Variants in NR6A1 observed in about 807,000 individuals in gnomAD.
NR6A1 encodes the protein retinoic acid receptor-related testis-associated receptor.
A neutral mutation model predicts 59.1 loss-of-function variants in NR6A1; 7 were observed. That is an observed-to-expected ratio of 0.12 (90% CI 0.07 to 0.22). The LOEUF (loss-of-function observed/expected upper bound fraction) is 0.22. NR6A1 is among the 10% of genes least tolerant of loss of function. NR6A1 has a pLI of 1.00. For missense variants in NR6A1, 468 were observed against 611.6 expected, an observed-to-expected ratio of 0.77 and a Z score of 2.48; for synonymous variants, 243 against 236.1, an observed-to-expected ratio of 1.03 and a Z score of -0.27.
intron 2 of NR6A1, among the ~76,000 whole-genome samples, chr9:124,655,887 T>G (rs1267627568): frequency 6.6e-6 from 1 of 152,214 alleles, no homozygotes; most frequent in African/African-American, 2.4e-5. Flanking sequence ...GGAAGCTACT[T>G]AAGTGTCCAT....
chr9:124,754,438 C>T (rs1840585212), intron 1 of NR6A1, among the ~76,000 whole-genome samples: 1 of 152,082 alleles, frequency 6.6e-6, no homozygotes, highest in Non-Finnish European at 1.5e-5. Flanking sequence ...CAGAACTGAC[C>T]GTTGGAATAC....
chr9:124,741,606 G>T (rs543793670), intron 1 of NR6A1, among the ~76,000 whole-genome samples: 1 of 152,132 alleles, frequency 6.6e-6, no homozygotes, highest in Non-Finnish European at 1.5e-5. Flanking sequence ...TTTATGCTAC[G>T]TATATTTTAC....
chr9:124,609,458 A>G (rs1467084890), intron 2 of NR6A1, among the ~76,000 whole-genome samples: 2 of 151,934 alleles, frequency 1.3e-5, no homozygotes, highest in Non-Finnish European at 2.9e-5. Context: ...ATCCTGTTCC[A>G]TTGGTCTATG....
chr9:124,598,742 CT>C, intron 2 of NR6A1: 1 of 926,806 alleles, frequency 1.1e-6, no homozygotes. Context: ...GGTCTTCTCC[CT>C]TCTCCTTCAC....
intron 2 of NR6A1, among the ~76,000 whole-genome samples, chr9:124,712,027 C>T (rs964842729): frequency 4.6e-5 from 7 of 152,176 alleles, no homozygotes; most frequent in Non-Finnish European, 1.0e-4. Flanking sequence ...TTTGCAAGCA[C>T]AGGTTTTCTA....
At chr9:124,585,415 G>A (rs1206105894) in intron 2 of NR6A1, among the ~76,000 whole-genome samples, 1 of 151,916 alleles carries the variant, frequency 6.6e-6, no homozygotes, top group East Asian at 1.9e-4. Flanking sequence ...ATGGTGGCAG[G>A]CACCTGTAGT....
chr9:124,745,751 C>T (rs900159474), intron 1 of NR6A1, among the ~76,000 whole-genome samples: 3 of 150,428 alleles, frequency 2.0e-5, no homozygotes, highest in African/African-American at 7.3e-5. Context: ...GAGGCTAAGG[C>T]GGGCAGATCA....
intron 2 of NR6A1, among the ~76,000 whole-genome samples, chr9:124,568,502 A>G (rs999198924): frequency 1.3e-5 from 2 of 149,256 alleles, no homozygotes; most frequent in Non-Finnish European, 2.9e-5. Context: ...AAACAAAAGA[A>G]ACATAGAAAC....
Position 124,660,498 on chromosome 9 carries a change from T to C in NR6A1, c.142+72810A>G, listed in dbSNP as rs139845225. 2.0e-4 allele frequency among the ~76,000 whole-genome samples: 30 copies of C among 152,236 alleles called. 2 individuals carry two copies. The highest frequency in any genetic ancestry group is 1.4e-3 in the Admixed American group (21 of 15,296). On this transcript the variant is annotated intron_variant, in intron 2 of 9. Transcript: ENST00000487099. ...TAGAAACCAGACAGCAATTCTTTAG[T>C]TCCAGCCACCATTCGCCCCACTGGA...
chr9:124,740,087 C>G (rs1010295172), intron 1 of NR6A1, among the ~76,000 whole-genome samples: 2 of 152,170 alleles, frequency 1.3e-5, no homozygotes, highest in African/African-American at 4.8e-5. Flanking sequence ...AGCATCCTAC[C>G]CAACAGTGTA....
intron 2 of NR6A1, among the ~76,000 whole-genome samples, chr9:124,681,868 T>TA (rs1407015555): frequency 6.6e-6 from 1 of 152,214 alleles, no homozygotes; most frequent in Non-Finnish European, 1.5e-5. Flanking sequence ...CATGCTTGGG[T>TA]AAAAGATCCA....
At chr9:124,568,380 G>A (rs755494683) in intron 2 of NR6A1, among the ~76,000 whole-genome samples, 27 of 151,602 alleles carry the variant, frequency 1.8e-4, no homozygotes, top group Non-Finnish European at 3.2e-4. Context: ...CAGGTAGTTG[G>A]GAGGCTGAGG....
chr9:124,715,816 G>A (rs1274576668), intron 2 of NR6A1, among the ~76,000 whole-genome samples: 3 of 152,208 alleles, frequency 2.0e-5, no homozygotes, highest in Admixed American at 6.5e-5. Flanking sequence ...TAAAGTTATA[G>A]TAATCAAGAC....
chr9:124,729,088 T>G (rs1839810680), intron 2 of NR6A1, among the ~76,000 whole-genome samples: 1 of 152,236 alleles, frequency 6.6e-6, no homozygotes, highest in Admixed American at 6.5e-5. Flanking sequence ...AAAACCTAGA[T>G]AAGTCTAGAT....
intron 2 of NR6A1, among the ~76,000 whole-genome samples, chr9:124,591,251 A>C (rs1185668516): frequency 6.6e-6 from 1 of 152,226 alleles, no homozygotes; most frequent in South Asian, 2.1e-4. Context: ...AATTCAAGCC[A>C]CATTAAGCAT....
At position 124,719,306 on chromosome 9, in the gene NR6A1, CA is replaced by C. The variant is rs542858406; in HGVS notation, c.142+14001del. On this transcript the variant is annotated intron_variant, in intron 2 of 9. Transcript: ENST00000487099. Reference sequence around the variant, plus strand: ...TTTGCCATGTTGCCCAGGCTGGTCTCAAACACCTGAGCTCAAGGGATCCACA... The same window carrying C: ...TTTGCCATGTTGCCCAGGCTGGTCTCAACACCTGAGCTCAAGGGATCCACA... Among the ~76,000 whole-genome samples the C allele has an allele frequency of 2.4e-4, 37 of 152,180 alleles. 1 individual carries two copies. Among genetic ancestry groups the C allele is most frequent in the Middle Eastern group, 3.4e-3 (1 of 294 alleles).
At chr9:124,756,314 T>G (rs933553577) in intron 1 of NR6A1, among the ~76,000 whole-genome samples, 1 of 152,232 alleles carries the variant, frequency 6.6e-6, no homozygotes, top group Non-Finnish European at 1.5e-5. Context: ...CTTATTCATT[T>G]TCTTATTAAA....
chr9:124,642,048 CT>C (rs71372981), intron 2 of NR6A1, among the ~76,000 whole-genome samples: 60 of 149,752 alleles, frequency 4.0e-4, no homozygotes, highest in Non-Finnish European at 7.0e-4. Flanking sequence ...TTGTGTGCTT[CT>C]TTTTTTTTTC....
chr9:124,541,514 A>C (rs1833446234), intron 4 of NR6A1, among the ~76,000 whole-genome samples: 1 of 152,200 alleles, frequency 6.6e-6, no homozygotes, highest in African/African-American at 2.4e-5. Flanking sequence ...CAAACAAAAA[A>C]CCAGTCCAGA....
Sources: gnomAD v4.1 joint callset for allele counts (sites outside exome capture counted in the v4.1 genomes callset) on GRCh38, gnomAD v4.1.1 for gene constraint, MANE v1.5 for transcripts, NCBI Gene and HGNC (gene_info 2026-07-23, HGNC 2026-07-21) for gene names.